Variants in PKNOX2 observed in about 807,000 individuals in gnomAD.
PKNOX2 encodes PBX/knotted 1 homeobox 2.
A neutral mutation model predicts 53.1 loss-of-function variants in PKNOX2; 14 were observed. The observed-to-expected ratio is 0.26, with a 90% CI of 0.17 to 0.41. The LOEUF (loss-of-function observed/expected upper bound fraction) is 0.41. PKNOX2 is among the 10% of genes least tolerant of loss of function. The probability of loss-of-function intolerance (pLI) is 1.00; values close to 1 mark genes in which losing one functional copy is unlikely to be tolerated. For missense variants in PKNOX2, 496 were observed against 602.8 expected, an observed-to-expected ratio of 0.82 and a Z score of 1.85; for synonymous variants, 257 against 242.8, an observed-to-expected ratio of 1.06 and a Z score of -0.54.
intron 1 of PKNOX2, among the ~76,000 whole-genome samples, chr11:125,176,762 G>A (rs1955737510): frequency 6.6e-6 from 1 of 152,154 alleles, no homozygotes; most frequent in Non-Finnish European, 1.5e-5. Context: ...GGCAAGGACT[G>A]AACAAGGTGA....
At chr11:125,387,156 G>A (rs532407709) in intron 6 of PKNOX2, among the ~76,000 whole-genome samples, 20 of 152,212 alleles carry the variant, frequency 1.3e-4, no homozygotes, top group East Asian at 3.9e-4. Flanking sequence ...CCTGTGCTCC[G>A]GCTGATCAGA....
At chr11:125,202,627 G>A (rs1214548804) in intron 1 of PKNOX2, among the ~76,000 whole-genome samples, 1 of 152,102 alleles carries the variant, frequency 6.6e-6, no homozygotes, top group Non-Finnish European at 1.5e-5. Flanking sequence ...AGGGATGTCT[G>A]GCATCCTCCA....
chr11:125,177,061 G>A (rs897862255), intron 1 of PKNOX2, among the ~76,000 whole-genome samples: 7 of 152,242 alleles, frequency 4.6e-5, no homozygotes, highest in Non-Finnish European at 8.8e-5. Context: ...GGCAGCAGCT[G>A]TGACGGGGGT....
chr11:125,334,372 T>A (rs1950317419), intron 3 of PKNOX2, among the ~76,000 whole-genome samples: 1 of 152,146 alleles, frequency 6.6e-6, no homozygotes, highest in South Asian at 2.1e-4. Flanking sequence ...AGGAGCTGAT[T>A]CCATACTCAG....
At chr11:125,250,515 T>C (rs1189005216) in intron 2 of PKNOX2, among the ~76,000 whole-genome samples, 1 of 152,146 alleles carries the variant, frequency 6.6e-6, no homozygotes, top group Non-Finnish European at 1.5e-5. Flanking sequence ...CAAATGCTGC[T>C]GTGTTGCGGG....
At chr11:125,225,143 A>G (rs890390542) in intron 1 of PKNOX2, among the ~76,000 whole-genome samples, 1 of 152,194 alleles carries the variant, frequency 6.6e-6, no homozygotes, top group African/African-American at 2.4e-5. Context: ...CCCTGTCTGG[A>G]TGTGCCTGCC....
At chr11:125,295,963 A>G (rs1947631165) in intron 2 of PKNOX2, among the ~76,000 whole-genome samples, 2 of 152,116 alleles carry the variant, frequency 1.3e-5, no homozygotes, top group South Asian at 4.2e-4. Context: ...CCATCTCAGT[A>G]AAGGGCAAAT....
chr11:125,384,456 C>A (rs11220040), intron 5 of PKNOX2, among the ~76,000 whole-genome samples: 2 of 152,120 alleles, frequency 1.3e-5, no homozygotes, highest in African/African-American at 2.4e-5. Flanking sequence ...GAGGCTGAGA[C>A]GGGCGGATCA....
At chr11:125,243,672 G>C (rs369409004) in intron 2 of PKNOX2, among the ~76,000 whole-genome samples, 1 of 151,266 alleles carries the variant, frequency 6.6e-6, no homozygotes, top group South Asian at 2.1e-4. Context: ...GCCCAGGCTG[G>C]AGTGCAGTGG....
At chr11:125,263,301 C>G (rs1223641098) in intron 2 of PKNOX2, among the ~76,000 whole-genome samples, 1 of 152,226 alleles carries the variant, frequency 6.6e-6, no homozygotes, top group Non-Finnish European at 1.5e-5. Flanking sequence ...CAGGCTCAGC[C>G]GCTCCCTTCC....
intron 3 of PKNOX2, among the ~76,000 whole-genome samples, chr11:125,333,528 G>A (rs1316264120): frequency 7.0e-6 from 1 of 143,624 alleles, no homozygotes; most frequent in Non-Finnish European, 1.5e-5. Context: ...TGCCCTCTCA[G>A]TCCCAAGACA....
intron 1 of PKNOX2, among the ~76,000 whole-genome samples, chr11:125,227,322 G>A (rs546497702): frequency 2.0e-5 from 3 of 152,144 alleles, no homozygotes; most frequent in East Asian, 3.9e-4. Context: ...TCCACAGAAC[G>A]CCTTTCCTCT....
At chr11:125,233,211 T>C (rs1356848508) in intron 1 of PKNOX2, among the ~76,000 whole-genome samples, 1 of 152,234 alleles carries the variant, frequency 6.6e-6, no homozygotes, top group Non-Finnish European at 1.5e-5. Context: ...CAGTAACTGC[T>C]TTTCTCAGCT....
chr11:125,311,709 C>T (rs763704777), intron 2 of PKNOX2, among the ~76,000 whole-genome samples: 6 of 152,186 alleles, frequency 3.9e-5, no homozygotes, highest in African/African-American at 4.8e-5. Context: ...AGGGGTAGAA[C>T]GTAGCCTCGA....
chr11:125,169,567 G>A (rs981589735), intron 1 of PKNOX2, among the ~76,000 whole-genome samples: 10 of 152,142 alleles, frequency 6.6e-5, no homozygotes, highest in Admixed American at 2.6e-4. Context: ...TATTGCCAGG[G>A]CTGCATGACT....
intron 1 of PKNOX2, among the ~76,000 whole-genome samples, chr11:125,225,786 G>A (rs1390579865): frequency 6.6e-6 from 1 of 152,210 alleles, no homozygotes; most frequent in East Asian, 1.9e-4. Flanking sequence ...CCAAAGTAAA[G>A]TTGGATGCAA....
intron 2 of PKNOX2, among the ~76,000 whole-genome samples, chr11:125,276,667 G>C (rs1003780727): frequency 3.3e-5 from 5 of 152,174 alleles, no homozygotes; most frequent in Admixed American, 2.0e-4. Flanking sequence ...ACTGAGAGTG[G>C]GGTGGGGAGG....
intron 1 of PKNOX2, among the ~76,000 whole-genome samples, chr11:125,202,091 G>A (rs1469081817): frequency 1.3e-5 from 2 of 152,228 alleles, no homozygotes; most frequent in Non-Finnish European, 2.9e-5. Context: ...GACGGCCTTT[G>A]TATTCATTTA....
chr11:125,315,865 G>A (rs1949153194), intron 2 of PKNOX2, among the ~76,000 whole-genome samples: 1 of 152,106 alleles, frequency 6.6e-6, no homozygotes. Flanking sequence ...TACACTACAA[G>A]CAGGTACCCT....
Sources: gnomAD v4.1 joint callset for allele counts (sites outside exome capture counted in the v4.1 genomes callset) on GRCh38, gnomAD v4.1.1 for gene constraint, MANE v1.5 for transcripts, NCBI Gene and HGNC (gene_info 2026-07-23, HGNC 2026-07-21) for gene names.